The following TIAM1 variants were observed in gnomAD, a reference collection of about 807,000 sequenced individuals.
The protein encoded by TIAM1 is TIAM Rac1 associated GEF 1.
In TIAM1, 65 loss-of-function variants were observed where a neutral mutation model predicts 163.5. The observed-to-expected ratio is 0.40, with a 90% CI of 0.33 to 0.49. TIAM1 has a LOEUF of 0.49. Ranked by LOEUF, TIAM1 falls within the 20% of genes least tolerant of loss-of-function variation. TIAM1 has a pLI of 0.77. For synonymous variants in TIAM1, 833 were observed against 810.1 expected (o/e 1.03, Z -0.48); for missense variants, 1,789 against 2,044.7 (o/e 0.87, Z 2.41).
intron 1 of TIAM1, among the ~76,000 whole-genome samples, chr21:31,469,834 AAAAC>A (rs1480166372): frequency 1.3e-5 from 1 of 79,978 alleles, no homozygotes; most frequent in African/African-American, 5.2e-5. Flanking sequence ...TCCATCTCAA[AAAAC>A]AAACAAACAA....
At chr21:31,180,437 G>A in intron 15 of TIAM1, among the ~76,000 whole-genome samples, 1 of 152,022 alleles carries the variant, frequency 6.6e-6, no homozygotes, top group Non-Finnish European at 1.5e-5. Context: ...GTAAATGAAT[G>A]GCATGACTGT....
At chr21:31,250,205 C>T (rs1479071732) in intron 5 of TIAM1, among the ~76,000 whole-genome samples, 1 of 145,258 alleles carries the variant, frequency 6.9e-6, no homozygotes, top group East Asian at 2.0e-4. Flanking sequence ...AGCTGAGCAA[C>T]AAAACTTCAG....
chr21:31,523,775 T>G lies in TIAM1; in HGVS notation c.-422+35152A>C, dbSNP rs188983308. ...CCCATCTCTACTAAAAATACAAAAA[T>G]TAGCCAGGCATGGTGGCCTGTAATC... On this transcript the variant is annotated intron_variant, in intron 1 of 28. Coordinates refer to the TIAM1 transcript ENST00000286827. 6.0e-4 allele frequency among the ~76,000 whole-genome samples: 91 copies of G among 152,032 alleles called. 1 individual carries two copies. The highest frequency in any genetic ancestry group is 2.1e-3 in the African/African-American group (86 of 41,492).
chr21:31,339,046 A>G (rs1217509397), intron 2 of TIAM1, among the ~76,000 whole-genome samples, 197 bp downstream of exon 2: 1 of 152,242 alleles, frequency 6.6e-6, no homozygotes, highest in African/African-American at 2.4e-5. Flanking sequence ...AGAATGGGAA[A>G]GGTTCCCAGG....
chr21:31,158,529 GAAT>G (rs1383560496), intron 16 of TIAM1, among the ~76,000 whole-genome samples: 4 of 152,032 alleles, frequency 2.6e-5, no homozygotes, highest in African/African-American at 9.7e-5. Flanking sequence ...TTTGAATAAA[GAAT>G]AAAAAGGTAC....
At chr21:31,541,860 G>C (rs7278455) in intron 1 of TIAM1, among the ~76,000 whole-genome samples, 1 of 152,120 alleles carries the variant, frequency 6.6e-6, no homozygotes, top group African/African-American at 2.4e-5. Flanking sequence ...TTTTAAAAGA[G>C]TAAGCTGATC....
chr21:31,199,883 C>G (rs73191687), intron 12 of TIAM1, among the ~76,000 whole-genome samples: 2 of 150,240 alleles, frequency 1.3e-5, no homozygotes, highest in Non-Finnish European at 3.0e-5. Flanking sequence ...CCTCTCTTCA[C>G]TCACTCACCC....
chr21:31,363,481 G>T (rs1346283527), intron 2 of TIAM1, among the ~76,000 whole-genome samples: 1 of 151,968 alleles, frequency 6.6e-6, no homozygotes, highest in Non-Finnish European at 1.5e-5. Flanking sequence ...AAGCAGAGAA[G>T]ATCTGCTCCT....
intron 1 of TIAM1, among the ~76,000 whole-genome samples, chr21:31,469,934 G>A (rs961022253): frequency 2.0e-5 from 3 of 152,078 alleles, no homozygotes; most frequent in African/African-American, 4.8e-5. Context: ...CCAGGCATGG[G>A]TAGGGGCAGG....
chr21:31,427,436 G>T (rs543439123), intron 2 of TIAM1, among the ~76,000 whole-genome samples: 55 of 152,070 alleles, frequency 3.6e-4, no homozygotes, highest in Non-Finnish European at 6.9e-4. Context: ...GCAGTGAGCC[G>T]AGATTATGCC....
At chr21:31,171,035 CAAAAAAAAAAA>C (rs34291568) in intron 15 of TIAM1, among the ~76,000 whole-genome samples, 15 of 19,572 alleles carry the variant, frequency 7.7e-4, no homozygotes, top group East Asian at 1.9e-3. Context: ...GACTCCATCT[CAAAAAAAAAAA>C]AAAAAAAAAA....
intron 1 of TIAM1, among the ~76,000 whole-genome samples, chr21:31,546,676 T>G (rs1340480816): frequency 2.6e-5 from 4 of 152,124 alleles, no homozygotes; most frequent in Non-Finnish European, 4.4e-5. Context: ...GTCAGAAATA[T>G]TTTATTCATG....
intron 2 of TIAM1, among the ~76,000 whole-genome samples, chr21:31,408,778 A>T (rs1466475261): frequency 6.6e-6 from 1 of 152,192 alleles, no homozygotes; most frequent in South Asian, 2.1e-4. Context: ...ACACGAAGAC[A>T]ATGGTTCTCT....
chr21:31,268,736 C>T (rs369171608), intron 3 of TIAM1, among the ~76,000 whole-genome samples: 4 of 152,164 alleles, frequency 2.6e-5, no homozygotes, highest in Admixed American at 6.5e-5. Flanking sequence ...AAAAGATCAA[C>T]GGTCTGTGCA....
intron 2 of TIAM1, among the ~76,000 whole-genome samples, chr21:31,408,092 A>T (rs2077280392): frequency 6.6e-6 from 1 of 152,244 alleles, no homozygotes; most frequent in Non-Finnish European, 1.5e-5. Context: ...CAGAAAACAA[A>T]TCCAAACTTA....
intron 1 of TIAM1, among the ~76,000 whole-genome samples, chr21:31,505,512 G>A (rs2046994100): frequency 1.3e-5 from 2 of 152,134 alleles, no homozygotes; most frequent in South Asian, 4.1e-4. Context: ...TGACCAAAAA[G>A]ATGACTAAGA....
intron 1 of TIAM1, among the ~76,000 whole-genome samples, chr21:31,549,549 C>T (rs1482674207): frequency 6.6e-6 from 1 of 152,164 alleles, no homozygotes; most frequent in East Asian, 1.9e-4. Context: ...CCTACAAGCA[C>T]ATGAAACGAT....
intron 2 of TIAM1, among the ~76,000 whole-genome samples, chr21:31,284,076 A>G (rs892391048): frequency 9.2e-5 from 14 of 152,322 alleles, no homozygotes; most frequent in Admixed American, 8.5e-4. Context: ...TAATGCTTAG[A>G]TCTGTCCTTT....
At chr21:31,186,920 G>T in intron 14 of TIAM1, 81 bp downstream of exon 14, 1 of 1,142,176 alleles carries the variant, frequency 8.8e-7, no homozygotes, top group Non-Finnish European at 1.3e-6. Context: ...AATCCTTTGG[G>T]CATATCTTTC....
Sources: allele counts gnomAD v4.1 joint callset (sites outside exome capture counted in the v4.1 genomes callset), GRCh38; gene constraint gnomAD v4.1.1; transcripts MANE v1.5; gene names NCBI Gene and HGNC (gene_info 2026-07-23, HGNC 2026-07-21).